The following F11R variants were observed in gnomAD, a reference collection of about 807,000 sequenced individuals.
F11R encodes the protein junctional adhesion molecule A.
A neutral mutation model predicts 39.3 loss-of-function variants in F11R; 27 were observed. The ratio of observed to expected loss-of-function variants is 0.69; its 90% CI spans 0.51 to 0.95. F11R has a LOEUF of 0.95. Ranked by LOEUF, F11R falls within the 40% of genes least tolerant of loss-of-function variation. F11R has a pLI of 0.00. For missense variants in F11R, 335 were observed against 372.7 expected, an observed-to-expected ratio of 0.90 and a Z score of 0.83; for synonymous variants, 131 against 144.9, an observed-to-expected ratio of 0.90 and a Z score of 0.69.
chr1:161,009,785 T>C (rs1649027064), intron 1 of F11R, among the ~76,000 whole-genome samples: 1 of 151,828 alleles, frequency 6.6e-6, no homozygotes, highest in African/African-American at 2.4e-5. Context: ...CGGGCCAACA[T>C]GATAAAAATT....
At chr1:161,009,410 A>G (rs1330094420) in intron 1 of F11R, among the ~76,000 whole-genome samples, 5 of 152,024 alleles carry the variant, frequency 3.3e-5, no homozygotes, top group South Asian at 4.1e-4. Context: ...TTGACATTCA[A>G]TAAATGTTTT....
At chr1:161,003,586 T>C (rs905590184) in intron 1 of F11R, among the ~76,000 whole-genome samples, 4 of 151,468 alleles carry the variant, frequency 2.6e-5, no homozygotes, top group African/African-American at 9.7e-5. Flanking sequence ...TTTCTTTTGT[T>C]TTTTTGTTGA....
At position 160,999,964 on chromosome 1, in the gene F11R, CAG is replaced by C. The variant is rs765520556; in HGVS notation, c.604_605del (p.Leu202ValfsTer4). ...TGTATTCTCCAGTATCAGAGGCTGA[CAG>C]GGGATCAAAGACCTGAGGAAGGAAA... ...PTTGELVFDPLSASDTGEYSC... is the reference protein window; with the variant it reads ...PTTGELVFDPXSASDTGEYSC... On this transcript the variant is annotated frameshift_variant, in exon 6 of 10. Coordinates refer to ENST00000368026, the MANE Select transcript of F11R (RefSeq NM_016946.6). LOFTEE classifies it high-confidence loss of function. 1.2e-6 allele frequency: 2 copies of C among 1,614,038 alleles called. No individual in the cohort carries two copies. The highest frequency in any genetic ancestry group is 2.7e-5 in the African/African-American group (2 of 74,928).
At chr1:161,000,377 A>G (rs1372327619) in intron 4 of F11R, 29 bp from the exon 5 acceptor site, 15 of 1,608,312 alleles carry the variant, frequency 9.3e-6, no homozygotes, top group Non-Finnish European at 1.3e-5. Context: ...GAAGGTGCTG[A>G]GTACAGGGTG....
At chr1:161,003,636 G>A (rs1268502127) in intron 1 of F11R, among the ~76,000 whole-genome samples, 2 of 151,666 alleles carry the variant, frequency 1.3e-5, no homozygotes, top group African/African-American at 4.8e-5. Flanking sequence ...GAGTGCAGTG[G>A]TGTGATCTCG....
chr1:161,004,613 G>A (rs1025298258), intron 1 of F11R, among the ~76,000 whole-genome samples: 34 of 151,930 alleles, frequency 2.2e-4, no homozygotes, highest in African/African-American at 8.0e-4. Context: ...GGAGACTGAG[G>A]CAAAAGGACT....
intron 3 of F11R, 66 bp downstream of exon 3, chr1:161,000,954 C>A (rs1362048667): frequency 6.6e-7 from 1 of 1,508,216 alleles, no homozygotes; most frequent in South Asian, 1.1e-5. Flanking sequence ...AAGTCTGGAT[C>A]GTAGAATCCA....
intron 1 of F11R, among the ~76,000 whole-genome samples, chr1:161,006,150 G>C (rs1003174966): frequency 2.6e-5 from 4 of 151,668 alleles, no homozygotes; most frequent in Admixed American, 6.6e-5. Context: ...AAAAAAAAGG[G>C]GGGGGGCACT....
Position 161,005,358 on chromosome 1 carries a change from C to T in F11R, c.65-4005G>A, listed in dbSNP as rs1165218297. ...TCACTCTGTTGCCCCGGCTAGAGTT[C>T]AGTGGCACCATTATGGCTTACTGCT... On this transcript the variant is annotated intron_variant, in intron 1 of 9. Transcript: ENST00000368026. Among the ~76,000 whole-genome samples the T allele has an allele frequency of 3.3e-5, 5 of 150,172 alleles. No individual in the cohort carries two copies. In the South Asian group the frequency reaches 1.1e-3, roughly 33 times the overall value.
At chr1:161,000,563 A>G (rs1398791571) in intron 4 of F11R, 68 bp downstream of exon 4, 3 of 1,599,232 alleles carry the variant, frequency 1.9e-6, no homozygotes, top group Non-Finnish European at 2.6e-6. Context: ...AAGAGCTCCA[A>G]AGTGCAGCAG....
At chr1:161,011,301 G>A (rs997089061) in intron 1 of F11R, among the ~76,000 whole-genome samples, 3 of 152,000 alleles carry the variant, frequency 2.0e-5, no homozygotes, top group Non-Finnish European at 4.4e-5. Flanking sequence ...CCAAAGTGCT[G>A]GGATTACAGG....
chr1:160,999,581 C>T, intron 7 of F11R, 59 bp downstream of exon 7: 1 of 1,542,344 alleles, frequency 6.5e-7, no homozygotes, highest in Non-Finnish European at 9.0e-7. Context: ...AGATGACACC[C>T]ATGCCAGGCC....
intron 1 of F11R, among the ~76,000 whole-genome samples, chr1:161,003,180 A>G (rs1224472449): frequency 6.8e-6 from 1 of 146,870 alleles, no homozygotes; most frequent in Non-Finnish European, 1.5e-5. Context: ...CTGGAGTGCA[A>G]TGGCGCAATC....
At chr1:161,004,681 C>A (rs922451432) in intron 1 of F11R, among the ~76,000 whole-genome samples, 2 of 151,388 alleles carry the variant, frequency 1.3e-5, no homozygotes, top group African/African-American at 4.9e-5. Context: ...TGCATTCCAG[C>A]CTGGGTGCCT....
chr1:161,020,683 A>G (rs1269569698), intron 1 of F11R, among the ~76,000 whole-genome samples: 1 of 152,158 alleles, frequency 6.6e-6, no homozygotes, highest in African/African-American at 2.4e-5. Flanking sequence ...CGCGCTGGGT[A>G]GATGAGTGTG....
chr1:161,015,775 AAGT>A (rs913708063), intron 1 of F11R, among the ~76,000 whole-genome samples: 17 of 152,054 alleles, frequency 1.1e-4, no homozygotes, highest in African/African-American at 3.6e-4. Context: ...GAGAAAAAAC[AAGT>A]ATTATTTATA....
chr1:161,020,614 G>T (rs1241392348), intron 1 of F11R, among the ~76,000 whole-genome samples: 1 of 152,228 alleles, frequency 6.6e-6, no homozygotes, highest in African/African-American at 2.4e-5. Flanking sequence ...AGCGGGGTTC[G>T]TGGATGCTGG....
At chr1:161,017,501 C>A (rs1477278448) in intron 1 of F11R, among the ~76,000 whole-genome samples, 2 of 152,188 alleles carry the variant, frequency 1.3e-5, no homozygotes, top group Non-Finnish European at 2.9e-5. Context: ...TCTAAAAGCA[C>A]AGCACTTGAT....
Position 161,001,337 on chromosome 1 carries a change from G to A in F11R, c.81C>T (p.Gly27=). The part of the protein sequence containing the change: ...LAILLCSLAL[G]SVTVHSSEPE... Reference sequence around the variant, plus strand: ...GTTCAGAAGAGTGCACTGTAACACTGCCCAATGCCAGGGAGCCTAAGGAGA... The same window carrying A: ...GTTCAGAAGAGTGCACTGTAACACTACCCAATGCCAGGGAGCCTAAGGAGA... The change falls in exon 2 of 10, where the codon GGC becomes GGT. Residue 27 remains glycine (G), a synonymous_variant. Coordinates refer to ENST00000368026, the MANE Select transcript of F11R (RefSeq NM_016946.6). 6.2e-7 allele frequency: 1 copy of A among 1,613,968 alleles called. No homozygotes were observed. The highest frequency in any genetic ancestry group is 8.5e-7 in the Non-Finnish European group (1 of 1,179,922).
Sources: gnomAD v4.1 joint callset for allele counts (sites outside exome capture counted in the v4.1 genomes callset) on GRCh38, gnomAD v4.1.1 for gene constraint, MANE v1.5 for transcripts, NCBI Gene and HGNC (gene_info 2026-07-23, HGNC 2026-07-21) for gene names.